CNTN5: variants seen among roughly 807,000 people sequenced by gnomAD.
CNTN5 encodes the protein contactin-5.
A neutral mutation model predicts 129.1 loss-of-function variants in CNTN5; 77 were observed. That is an observed-to-expected ratio of 0.60 (90% confidence interval 0.50 to 0.72). The LOEUF is 0.72. CNTN5 is among the 30% of genes least tolerant of loss of function. The pLI is 0.00. For synonymous variants in CNTN5, 509 were observed against 465.6 expected, an observed-to-expected ratio of 1.09 and a Z score of -1.20; for missense variants, 1,478 against 1,328.8, an observed-to-expected ratio of 1.11 and a Z score of -1.75.
chr11:99,528,114 A>C (rs1947557409), intron 2 of CNTN5, among the ~76,000 whole-genome samples: 1 of 152,210 alleles, frequency 6.6e-6, no homozygotes, highest in Non-Finnish European at 1.5e-5. Flanking sequence ...CACTAAATTC[A>C]GGAGAACTAT....
In CNTN5 at chr11:99,788,845, C is replaced by T. The variant is rs570033862; in HGVS notation, c.56-30699C>T. 8.6e-5 allele frequency among the ~76,000 whole-genome samples: 13 copies of T among 151,838 alleles called. No homozygotes were observed. The East Asian group carries it at 1.7e-3, about 20-fold the overall frequency. Reference sequence around the variant, plus strand: ...ATTCTGAAAAAATCTATTTTATATACGGGGAATGCTTTTTATTAAGGGGGC... The same window carrying T: ...ATTCTGAAAAAATCTATTTTATATATGGGGAATGCTTTTTATTAAGGGGGC... On this transcript the variant is annotated intron_variant, in intron 3 of 24. Coordinates refer to ENST00000524871, the MANE Select transcript of CNTN5 (RefSeq NM_014361.4).
intron 6 of CNTN5, among the ~76,000 whole-genome samples, chr11:99,878,930 T>C (rs1159957288): frequency 1.3e-5 from 2 of 152,088 alleles, no homozygotes; most frequent in African/African-American, 4.8e-5. Context: ...ATGTTTTGTT[T>C]TTTGTTTTTG....
intron 8 of CNTN5, among the ~76,000 whole-genome samples, chr11:99,966,045 T>C (rs1192596837): frequency 6.6e-6 from 1 of 152,176 alleles, no homozygotes; most frequent in Non-Finnish European, 1.5e-5. Context: ...ACAATGAATG[T>C]TTCTGCAAAT....
intron 8 of CNTN5, among the ~76,000 whole-genome samples, chr11:100,000,587 G>T (rs1243622973): frequency 6.6e-6 from 1 of 152,166 alleles, no homozygotes; most frequent in Non-Finnish European, 1.5e-5. Flanking sequence ...CCATTCTGGG[G>T]TCTGGAGGAT....
chr11:100,337,433 G>C lies in CNTN5; in HGVS notation c.2731-3030G>C, dbSNP rs1476788200. On this transcript the variant is annotated intron_variant, in intron 21 of 24. Transcript: ENST00000524871. Reference sequence around the variant, plus strand: ...GGGAAGAGTGAAGCAGCCTCCCTGTGGCCCAAAATCAGGTGTTGAATGTGA... The same window carrying C: ...GGGAAGAGTGAAGCAGCCTCCCTGTCGCCCAAAATCAGGTGTTGAATGTGA... 105 of 755,018 alleles carry C rather than the reference G, an allele frequency of 1.4e-4. 1 individual carries two copies. The Admixed American group carries it at 1.8e-3, about 13-fold the overall frequency. The allele number at this position is 755,018 out of a possible 1,614,324, so 46.8% of individuals were successfully genotyped here. A position where few individuals can be genotyped will look rare whatever the true frequency, so the allele number is the denominator to read the frequency against.
At chr11:100,348,384 T>C (rs773796187) in intron 23 of CNTN5, among the ~76,000 whole-genome samples, 1 of 152,036 alleles carries the variant, frequency 6.6e-6, no homozygotes, top group Non-Finnish European at 1.5e-5. Context: ...CCTGGATATA[T>C]TGGCAAAAGG....
At chr11:99,602,624 G>A (rs2135709489) in intron 3 of CNTN5, among the ~76,000 whole-genome samples, 1 of 152,176 alleles carries the variant, frequency 6.6e-6, no homozygotes, top group East Asian at 1.9e-4. Flanking sequence ...TACTTTATGG[G>A]AAGGTCTGGG....
intron 3 of CNTN5, among the ~76,000 whole-genome samples, chr11:99,631,491 A>C (rs904407535): frequency 2.6e-4 from 39 of 152,072 alleles, no homozygotes; most frequent in African/African-American, 8.2e-4. Context: ...AATGCTGAAA[A>C]TTGTAGTTAA....
intron 21 of CNTN5, among the ~76,000 whole-genome samples, chr11:100,313,353 G>A (rs1160195933): frequency 6.6e-6 from 1 of 151,732 alleles, no homozygotes; most frequent in Non-Finnish European, 1.5e-5. Flanking sequence ...TAGAGGCAGG[G>A]CTGGCAGGAT....
At position 99,139,183 on chromosome 11, in the gene CNTN5, C is replaced by T. The variant is rs564477316; in HGVS notation, c.-210+117913C>T. Among the ~76,000 whole-genome samples the T allele has an allele frequency of 1.4e-4, 21 of 145,798 alleles. No homozygotes were observed. The South Asian group carries it at 4.8e-3, about 34-fold the overall frequency. On this transcript the variant is annotated intron_variant, in intron 1 of 24. Coordinates refer to ENST00000524871, the MANE Select transcript of CNTN5 (RefSeq NM_014361.4). ...TCAGGAGGCTGAGGTGGGAGGATTG[C>T]TTGAGCCTGGGAGGTGGAGATTGCA...
chr11:99,759,089 T>G (rs754914401), intron 3 of CNTN5, among the ~76,000 whole-genome samples: 1 of 152,028 alleles, frequency 6.6e-6, no homozygotes, highest in Non-Finnish European at 1.5e-5. Context: ...GCAATCCACA[T>G]AGCAACTCTA....
At chr11:99,413,498 A>G (rs1942492159) in intron 2 of CNTN5, among the ~76,000 whole-genome samples, 1 of 152,088 alleles carries the variant, frequency 6.6e-6, no homozygotes, top group Non-Finnish European at 1.5e-5. Context: ...GGGCACCTGT[A>G]ATTCCAGCTA....
At position 99,785,988 on chromosome 11, in the gene CNTN5, T is replaced by C. The variant is rs76351514; in HGVS notation, c.56-33556T>C. On this transcript the variant is annotated intron_variant, in intron 3 of 24. Coordinates refer to ENST00000524871, the MANE Select transcript of CNTN5 (RefSeq NM_014361.4). ...CTCACCACTCCTATTCAGCACTGTA[T>C]TGGAAGTTTTGGCAAGGGCAATCAG... 1.3e-5 allele frequency among the ~76,000 whole-genome samples: 2 copies of C among 151,992 alleles called. 1 individual carries two copies. Among genetic ancestry groups the C allele is most frequent in the Non-Finnish European group, 2.9e-5 (2 of 68,002 alleles).
At chr11:99,808,630 C>T (rs1946341136) in intron 3 of CNTN5, among the ~76,000 whole-genome samples, 1 of 152,130 alleles carries the variant, frequency 6.6e-6, no homozygotes, top group Non-Finnish European at 1.5e-5. Flanking sequence ...AACTAACTCA[C>T]CTTGCAGGGA....
intron 1 of CNTN5, among the ~76,000 whole-genome samples, chr11:99,237,662 A>C (rs1861348029): frequency 6.6e-6 from 1 of 152,032 alleles, no homozygotes; most frequent in Non-Finnish European, 1.5e-5. Context: ...GCCTGATGAC[A>C]AAACAAGACT....
intron 2 of CNTN5, among the ~76,000 whole-genome samples, chr11:99,384,908 CT>C: frequency 6.6e-6 from 1 of 152,220 alleles, no homozygotes; most frequent in African/African-American, 2.4e-5. Flanking sequence ...GTCTACCCCC[CT>C]AACACTTTTA....
intron 2 of CNTN5, among the ~76,000 whole-genome samples, chr11:99,345,945 T>C (rs960744751): frequency 6.6e-6 from 1 of 152,166 alleles, no homozygotes; most frequent in East Asian, 1.9e-4. Flanking sequence ...CATGAGAGAT[T>C]AATTACATAC....
At chr11:99,455,150 A>G (rs1247351521) in intron 2 of CNTN5, among the ~76,000 whole-genome samples, 6 of 152,158 alleles carry the variant, frequency 3.9e-5, no homozygotes, top group African/African-American at 1.2e-4. Context: ...CTCTCTGCAG[A>G]AAACTAACTC....
intron 13 of CNTN5, among the ~76,000 whole-genome samples, chr11:100,101,389 G>A (rs767451691): frequency 1.3e-5 from 2 of 151,990 alleles, no homozygotes; most frequent in Non-Finnish European, 2.9e-5. Context: ...ATTTCTGAAG[G>A]GAGGAACAAT....
Sources: allele counts gnomAD v4.1 joint callset (sites outside exome capture counted in the v4.1 genomes callset), GRCh38; gene constraint gnomAD v4.1.1; transcripts MANE v1.5; gene names NCBI Gene and HGNC (gene_info 2026-07-23, HGNC 2026-07-21).